The following SNX29 variants were observed in gnomAD, a reference collection of about 807,000 sequenced individuals.
SNX29 encodes sorting nexin-29.
In SNX29, 78 loss-of-function variants were observed where a neutral mutation model predicts 102.1. The observed-to-expected ratio is 0.76, with a 90% CI of 0.64 to 0.92. SNX29 has a LOEUF of 0.92. SNX29 is among the 40% of genes least tolerant of loss of function. SNX29 has a pLI of 0.00. For missense variants in SNX29, 1,280 were observed against 1,061.7 expected (o/e 1.21, Z -2.86); for synonymous variants, 580 against 414.5 (o/e 1.40, Z -4.85).
At chr16:12,272,734 C>T (rs1388961714) in intron 14 of SNX29, among the ~76,000 whole-genome samples, 1 of 152,220 alleles carries the variant, frequency 6.6e-6, no homozygotes, top group Non-Finnish European at 1.5e-5. Flanking sequence ...CTCTGGCTGT[C>T]ACTGTCTCCC....
chr16:12,453,540 G>A (rs1258502487), intron 18 of SNX29, among the ~76,000 whole-genome samples: 1 of 152,042 alleles, frequency 6.6e-6, no homozygotes, highest in Admixed American at 6.5e-5. Flanking sequence ...TGGAGTAAGG[G>A]CTCAGTAATT....
chr16:12,497,126 G>C (rs2088868077), intron 19 of SNX29, among the ~76,000 whole-genome samples: 1 of 152,216 alleles, frequency 6.6e-6, no homozygotes, highest in Non-Finnish European at 1.5e-5. Flanking sequence ...AATGACTTCA[G>C]AGGACTGAAC....
intron 15 of SNX29, among the ~76,000 whole-genome samples, chr16:12,341,558 CA>C (rs1398685963): frequency 3.9e-5 from 6 of 152,362 alleles, no homozygotes; most frequent in Non-Finnish European, 4.4e-5. Flanking sequence ...ATGTGTCCAA[CA>C]TGGGTTGCCC....
At position 12,003,178 on chromosome 16, in the gene SNX29, A is replaced by G. The variant is rs1480238356; in HGVS notation, c.122+135A>G. The stretch of plus-strand genomic sequence containing the variant: ...GCTGGCTTCTGGGCTCTGCCTCTGC[A>G]GCCAAGAGGTGCAGCGCTGAAATTT... On this transcript the variant is annotated intron_variant, in intron 3 of 20. Transcript: ENST00000566228. The G allele has an allele frequency of 1.1e-5, 11 of 1,044,336 alleles. No homozygotes were observed. The East Asian group carries it at 2.6e-4, about 25-fold the overall frequency. The allele number at this position is 1,044,336 out of a possible 1,614,324, so 64.7% of individuals were successfully genotyped here.
chr16:12,095,037 T>C (rs1299103139), intron 11 of SNX29: 3 of 152,098 alleles, frequency 2.0e-5, no homozygotes, highest in Non-Finnish European at 4.4e-5. Flanking sequence ...AAGATGATGA[T>C]TTAGGAAGGC....
intron 20 of SNX29, among the ~76,000 whole-genome samples, chr16:12,548,840 C>G (rs572728057): frequency 2.6e-5 from 4 of 152,206 alleles, no homozygotes; most frequent in Non-Finnish European, 5.9e-5. Flanking sequence ...CTGTCTAGCT[C>G]TCAGTTCCTC....
chr16:12,507,394 T>G (rs2151909114), intron 19 of SNX29, among the ~76,000 whole-genome samples: 1 of 152,374 alleles, frequency 6.6e-6, no homozygotes, highest in South Asian at 2.1e-4. Context: ...AGTCAATGGC[T>G]AATGCAGAAT....
chr16:12,403,979 A>C (rs1426671000), intron 18 of SNX29, among the ~76,000 whole-genome samples: 1 of 152,010 alleles, frequency 6.6e-6, no homozygotes, highest in Non-Finnish European at 1.5e-5. Context: ...CTCAGCCTGG[A>C]AGGGCGGGTC....
intron 18 of SNX29, among the ~76,000 whole-genome samples, chr16:12,429,507 A>G (rs994612804): frequency 6.6e-6 from 1 of 152,184 alleles, no homozygotes; most frequent in African/African-American, 2.4e-5. Context: ...TGAAGCCTCA[A>G]ATGCTTGGGC....
rs61024203 is a variant in SNX29 at position 12,239,639 on chromosome 16, C to CAAAAA, written c.1679-38268_1679-38264dup. Among the ~76,000 whole-genome samples, 38 of 62,564 alleles carry CAAAAA rather than the reference C, an allele frequency of 6.1e-4. 1 individual carries two copies. Among genetic ancestry groups the CAAAAA allele is most frequent in the African/African-American group, 1.9e-3 (31 of 15,904 alleles). The allele number at this position is 62,564 out of a possible 152,430, so 41.0% of individuals were successfully genotyped here. Reference sequence around the variant, plus strand: ...GGCAAGGAGTGAGACCCTGTTTCTACAAAAAAAAAAAAAAAAAAAAAAAAA... The same window carrying CAAAAA: ...GGCAAGGAGTGAGACCCTGTTTCTACAAAAAAAAAAAAAAAAAAAAAAAAAAAAAA... On this transcript the variant is annotated intron_variant, in intron 14 of 20. Transcript: ENST00000566228.
At chr16:12,123,804 G>C (rs996946640) in intron 11 of SNX29, among the ~76,000 whole-genome samples, 1 of 152,182 alleles carries the variant, frequency 6.6e-6, no homozygotes. Context: ...GAAAGGGCTG[G>C]ACAGTAGATA....
chr16:12,453,405 C>G lies in SNX29; in HGVS notation c.2038-24314C>G, dbSNP rs189360053. On this transcript the variant is annotated intron_variant, in intron 18 of 20. Coordinates refer to ENST00000566228, the MANE Select transcript of SNX29 (RefSeq NM_032167.5). ...TCCTTACTGGCGGTGTGACCCTGGG[C>G]ACATCATATAACCCCAATTTATTTC... is the stretch of plus-strand genomic sequence containing the variant. 1.6e-4 allele frequency among the ~76,000 whole-genome samples: 24 copies of G among 152,346 alleles called. No individual in the cohort carries two copies. The East Asian group carries it at 4.4e-3, about 28-fold the overall frequency.
At chr16:12,286,930 C>T (rs1241420601) in intron 15 of SNX29, among the ~76,000 whole-genome samples, 1 of 152,140 alleles carries the variant, frequency 6.6e-6, no homozygotes, top group Non-Finnish European at 1.5e-5. Context: ...CATAGTCATA[C>T]TTTAAAAAGC....
intron 15 of SNX29, among the ~76,000 whole-genome samples, chr16:12,309,058 A>G (rs1217355928): frequency 1.3e-5 from 2 of 152,214 alleles, no homozygotes; most frequent in Non-Finnish European, 2.9e-5. Context: ...TTGGGCCATT[A>G]GCATTGACAG....
Position 12,359,415 on chromosome 16 carries a change from C to T in SNX29, c.1899+3136C>T, listed in dbSNP as rs2082237359. Among the ~76,000 whole-genome samples, 5 of 152,228 alleles carry T rather than the reference C, an allele frequency of 3.3e-5. 1 individual carries two copies. The South Asian group carries it at 6.2e-4, about 19-fold the overall frequency. ...TGAGGTTGCCTATCTTTTCATTTGC[C>T]TGTTCCCCATTCTGGGTTTCACATA... On this transcript the variant is annotated intron_variant, in intron 16 of 20. Transcript: ENST00000566228.
intron 3 of SNX29, among the ~76,000 whole-genome samples, chr16:12,023,149 G>A (rs530579437): frequency 6.6e-6 from 1 of 151,934 alleles, no homozygotes; most frequent in East Asian, 1.9e-4. Flanking sequence ...TACCTGCCTT[G>A]GCCTCCCAAA....
At position 12,571,923 on chromosome 16, in the gene SNX29, G is replaced by C. The variant is rs1383241779; in HGVS notation, c.*3294G>C. 3 of 1,062,078 alleles carry C rather than the reference G, an allele frequency of 2.8e-6. No homozygotes were observed. Among genetic ancestry groups the C allele is most frequent in the Non-Finnish European group, 2.3e-6 (2 of 877,222 alleles). 65.8% of individuals were successfully genotyped at this position (1,062,078 alleles called of 1,614,324 possible). A position where few individuals can be genotyped will look rare whatever the true frequency, so the allele number is the denominator to read the frequency against. On this transcript the variant is annotated 3_prime_UTR_variant, in exon 21 of 21. Coordinates refer to ENST00000566228, the MANE Select transcript of SNX29 (RefSeq NM_032167.5). ...CTGCATTTCTCTACTGGCAGGCCCTGGTGAAGGAAGACACTTTCAGGGAAG... is the reference window on the plus strand; with the variant it reads ...CTGCATTTCTCTACTGGCAGGCCCTCGTGAAGGAAGACACTTTCAGGGAAG...
chr16:12,212,166 C>T (rs762541521), intron 14 of SNX29, among the ~76,000 whole-genome samples: 1 of 152,190 alleles, frequency 6.6e-6, no homozygotes, highest in South Asian at 2.1e-4. Flanking sequence ...CTCTGTGTGA[C>T]TGGCTAGCAT....
intron 11 of SNX29, among the ~76,000 whole-genome samples, chr16:12,109,686 C>T (rs1396805869): frequency 1.3e-5 from 2 of 152,012 alleles, no homozygotes; most frequent in East Asian, 1.9e-4. Context: ...CTCTGGAAAG[C>T]TCCTGCAAGA....
Sources: allele counts gnomAD v4.1 joint callset (sites outside exome capture counted in the v4.1 genomes callset), GRCh38; gene constraint gnomAD v4.1.1; transcripts MANE v1.5; gene names NCBI Gene and HGNC (gene_info 2026-07-23, HGNC 2026-07-21).